The following GLOD5 variants were observed in gnomAD, a reference collection of about 807,000 sequenced individuals.
GLOD5 encodes the protein glyoxalase domain-containing protein 5.
A neutral mutation model predicts 9.9 loss-of-function variants in GLOD5; 7 were observed. The ratio of observed to expected loss-of-function variants is 0.71; its 90% CI spans 0.40 to 1.33. The LOEUF is 1.33. GLOD5 is among the 40% of genes most tolerant of loss of function. The probability of loss-of-function intolerance (pLI) is 0.01; values close to 1 mark genes in which losing one functional copy is unlikely to be tolerated. For missense variants in GLOD5, 146 were observed against 128.4 expected (o/e 1.14, Z -0.66); for synonymous variants, 49 against 47.3 (o/e 1.04, Z -0.14).
chrX:48,769,798 G>T (rs868942587), intron 2 of GLOD5, among the ~76,000 whole-genome samples: 3 of 105,040 alleles, frequency 2.9e-5, no homozygotes, highest in African/African-American at 1.0e-4. Flanking sequence ...GGCAACACGG[G>T]GAGACCCGGT....
intron 2 of GLOD5, among the ~76,000 whole-genome samples, chrX:48,770,368 T>C (rs894598719): frequency 3.6e-5 from 4 of 112,240 alleles, no homozygotes; most frequent in African/African-American, 1.3e-4. Flanking sequence ...CAACTAACTG[T>C]GGGTTAAACA....
intron 1 of GLOD5, among the ~76,000 whole-genome samples, chrX:48,763,567 C>G (rs1398056087): frequency 9.0e-5 from 10 of 111,221 alleles, no homozygotes; most frequent in African/African-American, 2.9e-4. Context: ...GTGGCACACA[C>G]CTGTAATCCC....
intron 1 of GLOD5, among the ~76,000 whole-genome samples, chrX:48,764,552 C>CTTT (rs1163188143): frequency 6.5e-5 from 6 of 91,711 alleles, no homozygotes; most frequent in Non-Finnish European, 1.1e-4. Context: ...CCAGAATCTT[C>CTTT]TTTTTTTTTT....
At chrX:48,766,176 A>T (rs1273975802) in intron 2 of GLOD5, 2 of 389,408 alleles carry the variant, frequency 5.1e-6, no homozygotes, top group Admixed American at 4.4e-5. Context: ...CATAGAAACA[A>T]TGCAAGATAA....
At chrX:48,765,338 G>A (rs1475386836) in intron 1 of GLOD5, among the ~76,000 whole-genome samples, 2 of 110,208 alleles carry the variant, frequency 1.8e-5, no homozygotes, top group Admixed American at 9.8e-5. Context: ...CTGGGAGGCC[G>A]AGGTAGGCAG....
At chrX:48,767,007 C>CAAA (rs2062611408) in intron 2 of GLOD5, among the ~76,000 whole-genome samples, 1 of 9,903 alleles carries the variant, frequency 1.0e-4, no homozygotes, top group African/African-American at 3.4e-4. Context: ...AAAAAAAAAC[C>CAAA]AACATTGGAT....
chrX:48,768,034 C>T (rs1447286947), intron 2 of GLOD5, among the ~76,000 whole-genome samples: 1 of 111,961 alleles, frequency 8.9e-6, no homozygotes, highest in Non-Finnish European at 1.9e-5. Context: ...GGTGCGATCA[C>T]AGTTCACCAC....
At chrX:48,767,262 G>C (rs2062611889) in intron 2 of GLOD5, among the ~76,000 whole-genome samples, 1 of 110,917 alleles carries the variant, frequency 9.0e-6, no homozygotes, top group African/African-American at 3.3e-5. Flanking sequence ...ACTAAGATGT[G>C]CTTCAGTAAG....
At chrX:48,763,301 T>A (rs1457842868) in intron 1 of GLOD5, among the ~76,000 whole-genome samples, 1 of 112,178 alleles carries the variant, frequency 8.9e-6, no homozygotes. Context: ...CAATGTCTAT[T>A]TTCTCTCGAG....
intron 1 of GLOD5, among the ~76,000 whole-genome samples, chrX:48,765,380 C>T (rs1439741207): frequency 9.2e-6 from 1 of 108,612 alleles, no homozygotes; most frequent in Non-Finnish European, 1.9e-5. Flanking sequence ...GAGTTTAAGA[C>T]CAGCCTGACC....
intron 2 of GLOD5, among the ~76,000 whole-genome samples, chrX:48,767,005 A>AAAAAAAAAAAAAAAAAAAAAAC (rs2062611330): frequency 1.1e-5 from 1 of 87,222 alleles, no homozygotes; most frequent in African/African-American, 4.1e-5. Flanking sequence ...AAAAAAAAAA[A>AAAAAAAAAAAAAAAAAAAAAAC]CCAACATTGG....
At chrX:48,773,174 G>A (rs1226669435) in intron 3 of GLOD5, 136 bp from the exon 4 acceptor site, 3 of 679,997 alleles carry the variant, frequency 4.4e-6, no homozygotes, top group South Asian at 2.4e-5. Flanking sequence ...AGGTTGCAGT[G>A]AGCTGAGATC....
At chrX:48,768,230 G>A (rs2062613979) in intron 2 of GLOD5, among the ~76,000 whole-genome samples, 1 of 112,240 alleles carries the variant, frequency 8.9e-6, no homozygotes, top group Non-Finnish European at 1.9e-5. Flanking sequence ...ACAGCAACAC[G>A]GACGGGTCTT....
chrX:48,763,866 A>G (rs1403527675), intron 1 of GLOD5, among the ~76,000 whole-genome samples: 3 of 112,259 alleles, frequency 2.7e-5, no homozygotes, highest in East Asian at 2.8e-4. Flanking sequence ...TCCTCCACTC[A>G]GGAAAATAGA....
At chrX:48,770,791 AG>A (rs1240909445) in intron 2 of GLOD5, 135 bp from the exon 3 acceptor site, 2 of 428,666 alleles carry the variant, frequency 4.7e-6, no homozygotes, top group Non-Finnish European at 7.6e-6. Context: ...GGTGGGGCAA[AG>A]GGCTGTTGTG....
chrX:48,771,076 C>G lies in GLOD5; in HGVS notation c.351C>G (p.His117Gln). 1.7e-6 allele frequency: 2 copies of G among 1,172,797 alleles called. No homozygotes were observed. The highest frequency in any genetic ancestry group is 2.3e-6 in the Non-Finnish European group (2 of 879,256). Residue 117 changes from histidine to glutamine, a missense_variant, in exon 3 of 4, where the codon CAC becomes CAG. His to Gln is a conservative substitution (Grantham distance 24). Coordinates refer to ENST00000303227, the MANE Select transcript of GLOD5 (RefSeq NM_001080489.3). ...TEVPLEEMIQ[H>Q]LKACDVPIEE... The stretch of plus-strand genomic sequence containing the variant: ...TGCCTTTGGAGGAAATGATCCAGCA[C>G]CTCAAGGTGAGTGGGACTTCTCTTC...
intron 2 of GLOD5, among the ~76,000 whole-genome samples, chrX:48,768,674 A>G (rs918549620): frequency 4.5e-5 from 5 of 112,175 alleles, no homozygotes; most frequent in African/African-American, 1.6e-4. Flanking sequence ...TTAAAAGGCT[A>G]TGGGAAAATA....
chrX:48,769,098 T>C (rs781969861), intron 2 of GLOD5, among the ~76,000 whole-genome samples: 1 of 108,475 alleles, frequency 9.2e-6, no homozygotes, highest in African/African-American at 3.4e-5. Context: ...CATAGTGATA[T>C]AAAAGAGATA....
chrX:48,765,825 CT>C lies in GLOD5; in HGVS notation c.64-3del. ...ATGTGGTCTCTTCTGACTTTTTTTT[CT>C]TTTTTTAGTCATGGAGGGACAGCAG... On this transcript the variant is annotated splice_polypyrimidine_tract_variant and intron_variant, in intron 1 of 3. Coordinates refer to ENST00000303227, the MANE Select transcript of GLOD5 (RefSeq NM_001080489.3). 1.7e-6 allele frequency: 2 copies of C among 1,173,740 alleles called. No individual in the cohort carries two copies. The highest frequency in any genetic ancestry group is 2.3e-6 in the Non-Finnish European group (2 of 878,741).
Sources: allele counts gnomAD v4.1 joint callset (sites outside exome capture counted in the v4.1 genomes callset), GRCh38; gene constraint gnomAD v4.1.1; transcripts MANE v1.5; gene names NCBI Gene and HGNC (gene_info 2026-07-23, HGNC 2026-07-21).